Variants in ROR2 observed in about 807,000 individuals in gnomAD.
The protein encoded by ROR2 is tyrosine-protein kinase transmembrane receptor ROR2.
ROR2 carries 33 observed loss-of-function variants against 74.9 expected under a neutral mutation model. The ratio of observed to expected loss-of-function variants is 0.44; its 90% CI spans 0.33 to 0.59. ROR2 has a LOEUF of 0.59. Ranked by LOEUF, ROR2 falls within the 20% of genes least tolerant of loss-of-function variation. The probability of loss-of-function intolerance (pLI) is 0.02; values close to 1 mark genes in which losing one functional copy is unlikely to be tolerated. For synonymous variants in ROR2, 586 were observed against 558.7 expected, an observed-to-expected ratio of 1.05 and a Z score of -0.69; for missense variants, 1,216 against 1,313.8, an observed-to-expected ratio of 0.93 and a Z score of 1.15.
chr9:91,862,049 C>T (rs1182633257), intron 1 of ROR2, among the ~76,000 whole-genome samples: 2 of 152,086 alleles, frequency 1.3e-5, no homozygotes, highest in Non-Finnish European at 2.9e-5. Context: ...GAAGGCCGGG[C>T]ATGGTGGCTC....
chr9:91,906,039 A>G (rs1483314036), intron 1 of ROR2, among the ~76,000 whole-genome samples: 2 of 151,880 alleles, frequency 1.3e-5, no homozygotes, highest in Non-Finnish European at 2.9e-5. Flanking sequence ...ACACAGAGTA[A>G]TAATTGCTGA....
At position 91,892,242 on chromosome 9, in the gene ROR2, G is replaced by A. The variant is rs1266664538; in HGVS notation, c.97+57625C>T. On this transcript the variant is annotated intron_variant, in intron 1 of 8. Coordinates refer to ENST00000375708, the MANE Select transcript of ROR2 (RefSeq NM_004560.4). ...CAACCTAGTGATGAAAGGGAAACCC[G>A]CCATCAGCACATCCTTGGGTAGGGC... Among the ~76,000 whole-genome samples, 4 of 152,082 alleles carry A rather than the reference G, an allele frequency of 2.6e-5. No homozygotes were observed. In the South Asian group the frequency reaches 6.2e-4, roughly 24 times the overall value.
At chr9:91,846,288 A>G (rs1262292193) in intron 1 of ROR2, among the ~76,000 whole-genome samples, 3 of 152,202 alleles carry the variant, frequency 2.0e-5, no homozygotes, top group East Asian at 3.8e-4. Context: ...GCCTGTAGGG[A>G]GGCAGTCAAG....
chr9:91,948,118 G>C (rs1832061795), intron 1 of ROR2, among the ~76,000 whole-genome samples: 1 of 152,120 alleles, frequency 6.6e-6, no homozygotes, highest in Admixed American at 6.5e-5. Context: ...CAAAACTCAA[G>C]GAACTTTCCT....
intron 2 of ROR2, among the ~76,000 whole-genome samples, chr9:91,763,656 G>T (rs1825980993): frequency 1.3e-5 from 2 of 152,104 alleles, no homozygotes; most frequent in African/African-American, 4.8e-5. Context: ...TCCAACTTCT[G>T]TAGTTAATTC....
chr9:91,722,693 G>A lies in ROR2; in HGVS notation c.*969C>T. 1.3e-6 allele frequency: 1 copy of A among 758,836 alleles called. No homozygotes were observed. Among genetic ancestry groups the A allele is most frequent in the Non-Finnish European group, 2.5e-6 (1 of 407,344 alleles). The allele number at this position is 758,836 out of a possible 1,614,324, so 47.0% of individuals were successfully genotyped here. The stretch of plus-strand genomic sequence containing the variant: ...GGCACAGACGGCTGCCTGTGGGTCT[G>A]TGTGTAACAGGGGCTGTAAAATGAA... On this transcript the variant is annotated 3_prime_UTR_variant, in exon 9 of 9. Coordinates refer to ENST00000375708, the MANE Select transcript of ROR2 (RefSeq NM_004560.4).
At chr9:91,828,497 C>G (rs1009172033) in intron 1 of ROR2, among the ~76,000 whole-genome samples, 2 of 152,030 alleles carry the variant, frequency 1.3e-5, no homozygotes, top group Non-Finnish European at 2.9e-5. Flanking sequence ...GTGGATTACT[C>G]GAGTTCAGGA....
intron 1 of ROR2, among the ~76,000 whole-genome samples, chr9:91,851,026 T>G (rs1279880923): frequency 6.6e-6 from 1 of 152,198 alleles, no homozygotes; most frequent in Non-Finnish European, 1.5e-5. Flanking sequence ...CCCCACTCAT[T>G]GGAAAAGTGA....
At chr9:91,758,517 G>C (rs1290131256) in intron 2 of ROR2, among the ~76,000 whole-genome samples, 1 of 152,240 alleles carries the variant, frequency 6.6e-6, no homozygotes, top group Non-Finnish European at 1.5e-5. Flanking sequence ...TTACAATGCT[G>C]ATGAGGGGGA....
At chr9:91,801,262 T>C (rs1257699886) in intron 1 of ROR2, among the ~76,000 whole-genome samples, 1 of 152,240 alleles carries the variant, frequency 6.6e-6, no homozygotes, top group Non-Finnish European at 1.5e-5. Flanking sequence ...AAATGTTGCT[T>C]TGAGTCTTCA....
intron 1 of ROR2, among the ~76,000 whole-genome samples, chr9:91,829,792 TA>T (rs1374831677): frequency 6.6e-6 from 1 of 152,128 alleles, no homozygotes; most frequent in African/African-American, 2.4e-5. Flanking sequence ...ATGGAAACAT[TA>T]AAAATGATAG....
intron 5 of ROR2, among the ~76,000 whole-genome samples, chr9:91,736,762 T>G (rs1825042150): frequency 6.6e-6 from 1 of 152,178 alleles, no homozygotes; most frequent in Non-Finnish European, 1.5e-5. Flanking sequence ...TCAGAGAAGT[T>G]AAGTCCTAAT....
At chr9:91,934,485 A>G (rs1831631381) in intron 1 of ROR2, among the ~76,000 whole-genome samples, 1 of 152,126 alleles carries the variant, frequency 6.6e-6, no homozygotes, top group Admixed American at 6.5e-5. Context: ...CACACACCCA[A>G]AGCACACAGC....
At chr9:91,816,275 G>A (rs915781966) in intron 1 of ROR2, among the ~76,000 whole-genome samples, 3 of 152,060 alleles carry the variant, frequency 2.0e-5, no homozygotes, top group Non-Finnish European at 4.4e-5. Flanking sequence ...AGCCACAGGA[G>A]ACCCTTCAAG....
intron 1 of ROR2, among the ~76,000 whole-genome samples, chr9:91,928,453 G>A (rs1298277695): frequency 1.3e-5 from 2 of 152,208 alleles, no homozygotes; most frequent in Non-Finnish European, 2.9e-5. Context: ...ACTGTGCCCT[G>A]GTGGCCACAT....
intron 1 of ROR2, among the ~76,000 whole-genome samples, chr9:91,805,703 G>A (rs1209391570): frequency 1.3e-5 from 2 of 152,080 alleles, no homozygotes; most frequent in Non-Finnish European, 2.9e-5. Flanking sequence ...ATGAACATAC[G>A]TACACACACC....
At chr9:91,741,384 G>A (rs1214368596) in intron 4 of ROR2, among the ~76,000 whole-genome samples, 1 of 151,218 alleles carries the variant, frequency 6.6e-6, no homozygotes, top group Non-Finnish European at 1.5e-5. Context: ...CAGGAGAGGG[G>A]TAGGAGATCA....
At chr9:91,734,616 G>A (rs532353016) in intron 5 of ROR2, among the ~76,000 whole-genome samples, 2 of 152,324 alleles carry the variant, frequency 1.3e-5, no homozygotes, top group East Asian at 1.9e-4. Flanking sequence ...AACGGGATGG[G>A]CAGCTGTGTG....
intron 1 of ROR2, among the ~76,000 whole-genome samples, chr9:91,921,608 A>G (rs1354828320): frequency 6.6e-6 from 1 of 152,232 alleles, no homozygotes; most frequent in Non-Finnish European, 1.5e-5. Context: ...TCACGCCTGT[A>G]ATCCCAGCAC....
Sources: allele counts gnomAD v4.1 joint callset (sites outside exome capture counted in the v4.1 genomes callset), GRCh38; gene constraint gnomAD v4.1.1; transcripts MANE v1.5; gene names NCBI Gene and HGNC (gene_info 2026-07-23, HGNC 2026-07-21).